LARGE1: variants seen among roughly 807,000 people sequenced by gnomAD.
The protein encoded by LARGE1 is LARGE xylosyl- and glucuronyltransferase 1, also known as xylosyl- and glucuronyltransferase LARGE1.
In LARGE1, 43 loss-of-function variants were observed where a neutral mutation model predicts 87.6. That is an observed-to-expected ratio of 0.49 (90% CI 0.38 to 0.63). LARGE1 has a LOEUF of 0.63. Among genes scored for constraint, LARGE1 ranks in the 30% least tolerant of loss-of-function variants. The probability of loss-of-function intolerance (pLI) is 0.00; values close to 1 mark genes in which losing one functional copy is unlikely to be tolerated. For synonymous variants in LARGE1, 434 were observed against 394.6 expected, an observed-to-expected ratio of 1.10 and a Z score of -1.18; for missense variants, 802 against 1,000.2, an observed-to-expected ratio of 0.80 and a Z score of 2.67.
At chr22:33,120,642 G>C in the LARGE1 span, among the ~76,000 whole-genome samples, 2 of 151,940 alleles carry the variant, frequency 1.3e-5, no homozygotes, top group Non-Finnish European at 2.9e-5. Context: ...TCAGCCTCCA[G>C]AGTAGCTGAG....
At chr22:33,345,864 G>C (rs140999918) in intron 9 of LARGE1, among the ~76,000 whole-genome samples, 1 of 152,124 alleles carries the variant, frequency 6.6e-6, no homozygotes, top group Non-Finnish European at 1.5e-5. Flanking sequence ...GACCCCAGAG[G>C]GTTCATAAAA....
At chr22:33,200,358 G>T (rs920297796) in intron 11 of LARGE1, among the ~76,000 whole-genome samples, 2 of 152,332 alleles carry the variant, frequency 1.3e-5, no homozygotes, top group East Asian at 3.9e-4. Context: ...TGGCGAGGAT[G>T]TGGAGAAGTC....
At position 33,650,565 on chromosome 22, in the gene LARGE1, G is replaced by A. The variant is rs145048151; in HGVS notation, c.210C>T (p.Arg70=). ...RERESLEVRM[R]EVEEENRALR... Reference sequence around the variant, plus strand: ...GGGCGCGGTTCTCCTCCTCCACCTCGCGCATGCGCACCTCCAGGCTCTCGC... The same window carrying A: ...GGGCGCGGTTCTCCTCCTCCACCTCACGCATGCGCACCTCCAGGCTCTCGC... Residue 70 remains arginine (R), a synonymous_variant, in exon 3 of 15, where the codon CGC becomes CGT. Transcript: ENST00000397394. 3.6e-4 allele frequency: 575 copies of A among 1,607,776 alleles called. 3 individuals are homozygous for A. In the African/African-American group the frequency reaches 6.7e-3, roughly 19 times the overall value.
At chr22:33,744,135 A>G (rs1456090272) in intron 2 of LARGE1, 1 of 152,206 alleles carries the variant, frequency 6.6e-6, no homozygotes, top group Non-Finnish European at 1.5e-5. Flanking sequence ...ACAGATCTGA[A>G]GTTTATCAAT....
rs35018256 is a variant in LARGE1 at position 33,416,906 on chromosome 22, C to CTTTTTTTTTTTTTTTTTTTTT, written c.892+15254_892+15255insAAAAAAAAAAAAAAAAAAAAA. Among the ~76,000 whole-genome samples, 7 of 90,148 alleles carry CTTTTTTTTTTTTTTTTTTTTT rather than the reference C, an allele frequency of 7.8e-5. 1 individual carries two copies. Among genetic ancestry groups the CTTTTTTTTTTTTTTTTTTTTT allele is most frequent in the South Asian group, 3.8e-4 (1 of 2,620 alleles). 59.1% of individuals were successfully genotyped at this position (90,148 alleles called of 152,430 possible). ...ACAGGTGTGAGGCACCACGCCCGGACTTTTTTTTTTTTTTTTTTTGAGACA... is the reference window on the plus strand; with the variant it reads ...ACAGGTGTGAGGCACCACGCCCGGACTTTTTTTTTTTTTTTTTTTTTTTTTTTTTTTTTTTTTTTTGAGACA... On this transcript the variant is annotated intron_variant, in intron 7 of 14. Coordinates refer to ENST00000397394, the MANE Select transcript of LARGE1 (RefSeq NM_133642.5).
the LARGE1 span, among the ~76,000 whole-genome samples, chr22:33,129,539 A>T: frequency 8.3e-4 from 127 of 152,284 alleles, no homozygotes; most frequent in African/African-American, 2.6e-3. Context: ...TATAATAAAA[A>T]ATATATATAT....
intron 1 of LARGE1, among the ~76,000 whole-genome samples, chr22:33,840,387 T>A (rs1196127121): frequency 6.6e-6 from 1 of 152,212 alleles, no homozygotes; most frequent in South Asian, 2.1e-4. Flanking sequence ...TATACATACA[T>A]TCTTTTAAAA....
At chr22:33,542,507 G>T (rs1602338733) in intron 6 of LARGE1, among the ~76,000 whole-genome samples, 1 of 151,170 alleles carries the variant, frequency 6.6e-6, no homozygotes, top group East Asian at 1.9e-4. Context: ...ATATATCGTA[G>T]AATCCAAAGA....
intron 1 of LARGE1, among the ~76,000 whole-genome samples, chr22:33,847,406 T>C (rs1370880218): frequency 6.6e-6 from 1 of 152,212 alleles, no homozygotes; most frequent in Non-Finnish European, 1.5e-5. Context: ...CCAAACTGCA[T>C]TCAACTACCA....
the LARGE1 span, among the ~76,000 whole-genome samples, chr22:33,134,054 A>G: frequency 0.33 from 49,600 of 152,094 alleles, 8,305 homozygotes; most frequent in South Asian, 0.46. Flanking sequence ...CACTCCTTCA[A>G]CTAAGTCAGT....
chr22:33,776,797 T>C (rs959380526), intron 1 of LARGE1, among the ~76,000 whole-genome samples: 5 of 152,188 alleles, frequency 3.3e-5, no homozygotes, highest in Non-Finnish European at 5.9e-5. Flanking sequence ...GGAGATTTCA[T>C]ACAAATATCT....
chr22:33,834,259 T>C (rs1158524633), intron 1 of LARGE1, among the ~76,000 whole-genome samples: 1 of 152,184 alleles, frequency 6.6e-6, no homozygotes, highest in Non-Finnish European at 1.5e-5. Flanking sequence ...AAAATAATCA[T>C]AATCAAGAAA....
chr22:33,433,504 G>A (rs1486444689), intron 6 of LARGE1, among the ~76,000 whole-genome samples: 1 of 150,558 alleles, frequency 6.6e-6, no homozygotes, highest in East Asian at 2.0e-4. Context: ...GCTGAGGCAG[G>A]AGAATGGCAT....
At chr22:33,676,404 A>AAAAAT (rs2081579589) in intron 2 of LARGE1, among the ~76,000 whole-genome samples, 3 of 123,812 alleles carry the variant, frequency 2.4e-5, no homozygotes, top group African/African-American at 6.8e-5. Flanking sequence ...AAAAAAAAAA[A>AAAAAT]GCTGGCTGGT....
At position 33,384,288 on chromosome 22, in the gene LARGE1, A is replaced by C. The variant is rs563144239; in HGVS notation, c.909T>G (p.Leu303=). The stretch of plus-strand genomic sequence containing the variant: ...ATTTCATCTTCCGCAGCTTATCCAG[A>C]AGTAACAGGATCACCCCTGGGCAAC... ...RGYNTGVILL[L]LDKLRKMKWE... The change falls in exon 8 of 15, where the codon CTT becomes CTG. Residue 303 remains leucine, a synonymous_variant. Transcript: ENST00000397394. 1.3e-4 allele frequency: 217 copies of C among 1,613,808 alleles called. 1 individual carries two copies. In the South Asian group the frequency reaches 2.3e-3, roughly 17 times the overall value.
At chr22:33,247,335 A>G (rs1926811786) in intron 11 of LARGE1, among the ~76,000 whole-genome samples, 1 of 152,258 alleles carries the variant, frequency 6.6e-6, no homozygotes, top group Admixed American at 6.5e-5. Context: ...CTAAAGGAGT[A>G]TAATTTATAA....
intron 7 of LARGE1, among the ~76,000 whole-genome samples, chr22:33,429,786 C>T (rs938974220): frequency 6.6e-6 from 1 of 152,026 alleles, no homozygotes; most frequent in Non-Finnish European, 1.5e-5. Flanking sequence ...TCTGAAAATC[C>T]AGGCACAAAA....
chr22:33,718,836 G>A (rs926771213), intron 2 of LARGE1, among the ~76,000 whole-genome samples: 5 of 152,222 alleles, frequency 3.3e-5, no homozygotes, highest in Non-Finnish European at 1.5e-5. Context: ...GGGTCACCAG[G>A]CTGGAGTGCA....
At chr22:33,327,457 C>T (rs971138204) in intron 10 of LARGE1, among the ~76,000 whole-genome samples, 7 of 152,144 alleles carry the variant, frequency 4.6e-5, no homozygotes, top group Non-Finnish European at 8.8e-5. Flanking sequence ...TACTTTAACC[C>T]CTTTAACTTT....
Sources: allele counts gnomAD v4.1 joint callset (sites outside exome capture counted in the v4.1 genomes callset), GRCh38; gene constraint gnomAD v4.1.1; transcripts MANE v1.5; gene names NCBI Gene and HGNC (gene_info 2026-07-23, HGNC 2026-07-21).